INTU: variants seen among roughly 807,000 people sequenced by gnomAD.
INTU encodes the protein protein inturned.
INTU carries 68 observed loss-of-function variants against 100.5 expected under a neutral mutation model. The ratio of observed to expected loss-of-function variants is 0.68; its 90% CI spans 0.56 to 0.83. The LOEUF is 0.83. INTU is among the 40% of genes least tolerant of loss of function. The pLI is 0.00. For missense variants in INTU, 1,071 were observed against 1,114.7 expected, an observed-to-expected ratio of 0.96 and a Z score of 0.56; for synonymous variants, 357 against 395.7, an observed-to-expected ratio of 0.90 and a Z score of 1.16.
At chr4:127,663,933 A>T (rs779093049) in intron 4 of INTU, among the ~76,000 whole-genome samples, 66 of 152,204 alleles carry the variant, frequency 4.3e-4, no homozygotes, top group Non-Finnish European at 7.5e-4. Flanking sequence ...AATAAAATTC[A>T]ACAATTTTAA....
In INTU at chr4:127,722,051, C is replaced by T. The variant is rs1277754819; in HGVS notation, c.*5615C>T. The T allele has an allele frequency of 6.6e-6, 1 of 152,266 alleles. No homozygotes were observed. 9.4% of individuals were successfully genotyped at this position (152,266 alleles called of 1,614,324 possible). A position where few individuals can be genotyped will look rare whatever the true frequency, so the allele number is the denominator to read the frequency against. On this transcript the variant is annotated 3_prime_UTR_variant, in exon 16 of 16. Transcript: ENST00000335251. ...GGAGGAGAAGAGGCACTCTGGCTTT[C>T]TGAGTTTTCCGTATCCTTGCATTCT...
intron 10 of INTU, 59 bp downstream of exon 10, chr4:127,704,349 A>G: frequency 8.0e-7 from 1 of 1,249,842 alleles, no homozygotes; most frequent in Non-Finnish European, 1.2e-6. Flanking sequence ...CTAAATTTTC[A>G]AAACTTTTAC....
At chr4:127,633,752 T>A (rs1395050239) in intron 1 of INTU, among the ~76,000 whole-genome samples, 1 of 152,248 alleles carries the variant, frequency 6.6e-6, no homozygotes, top group Non-Finnish European at 1.5e-5. Flanking sequence ...ATGATTTTCT[T>A]GTTTTCCATT....
chr4:127,690,065 A>G (rs1361822964), intron 8 of INTU, among the ~76,000 whole-genome samples: 1 of 152,164 alleles, frequency 6.6e-6, no homozygotes, highest in Non-Finnish European at 1.5e-5. Flanking sequence ...TAGTAGAGGT[A>G]CTTAATGTTT....
In INTU at chr4:127,705,710, G is replaced by C. The variant is rs1204906528; in HGVS notation, c.1686G>C (p.Trp562Cys). The C allele has an allele frequency of 6.2e-7, 1 of 1,613,896 alleles. No homozygotes were observed. The highest frequency in any genetic ancestry group is 8.5e-7 in the Non-Finnish European group (1 of 1,179,932). The part of the protein sequence containing the change: ...AKQRIGQLII[W>C]REVFPQHHLR... Reference sequence around the variant, plus strand: ...AAAGAATTGGTCAGTTGATCATATGGAGAGAAGTGTTTCCTCAGCATCACC... The same window carrying C: ...AAAGAATTGGTCAGTTGATCATATGCAGAGAAGTGTTTCCTCAGCATCACC... Residue 562 changes from tryptophan (W) to cysteine (C), a missense_variant, in exon 11 of 16, where the codon TGG becomes TGC. Coordinates refer to ENST00000335251, the MANE Select transcript of INTU (RefSeq NM_015693.4).
intron 1 of INTU, among the ~76,000 whole-genome samples, chr4:127,638,457 G>C (rs1224965858): frequency 6.6e-6 from 1 of 152,108 alleles, no homozygotes; most frequent in East Asian, 1.9e-4. Context: ...GGAAATTGCT[G>C]TACTATTGCA....
intron 2 of INTU, among the ~76,000 whole-genome samples, chr4:127,650,196 G>C (rs931026417): frequency 2.6e-5 from 4 of 151,640 alleles, no homozygotes; most frequent in African/African-American, 9.7e-5. Context: ...ATTTCAGGTG[G>C]GTTTTTGTTT....
At chr4:127,665,360 T>C (rs1387351776) in intron 4 of INTU, among the ~76,000 whole-genome samples, 1 of 151,882 alleles carries the variant, frequency 6.6e-6, no homozygotes, top group Non-Finnish European at 1.5e-5. Context: ...ACTTTTTCTT[T>C]ACTCATCATC....
intron 7 of INTU, chr4:127,686,647 A>G (rs1729840278): frequency 6.6e-6 from 1 of 152,126 alleles, no homozygotes; most frequent in Non-Finnish European, 1.5e-5. Flanking sequence ...ATTCAACCTA[A>G]AATAGCCAAT....
chr4:127,695,950 CAT>C (rs968062357), intron 8 of INTU, among the ~76,000 whole-genome samples: 14 of 152,056 alleles, frequency 9.2e-5, no homozygotes, highest in East Asian at 3.9e-4. Context: ...TTGATAGAAT[CAT>C]GTGATTTTTT....
intron 2 of INTU, among the ~76,000 whole-genome samples, chr4:127,652,958 A>G (rs1171246881): frequency 7.4e-5 from 11 of 147,956 alleles, no homozygotes; most frequent in Non-Finnish European, 1.5e-4. Context: ...GGGAGAGTGT[A>G]TATGTCGAGG....
At chr4:127,712,616 G>T (rs568080447) in intron 14 of INTU, among the ~76,000 whole-genome samples, 3 of 152,148 alleles carry the variant, frequency 2.0e-5, no homozygotes, top group Non-Finnish European at 4.4e-5. Context: ...AGAAGAATCA[G>T]TGTCAAGCAA....
intron 3 of INTU, among the ~76,000 whole-genome samples, chr4:127,656,976 A>G (rs540129785): frequency 6.6e-6 from 1 of 152,326 alleles, no homozygotes; most frequent in African/African-American, 2.4e-5. Context: ...GAAAACATAC[A>G]TAATTGCAAA....
chr4:127,664,012 G>T (rs62334033), intron 4 of INTU, among the ~76,000 whole-genome samples: 2 of 151,906 alleles, frequency 1.3e-5, no homozygotes, highest in South Asian at 2.1e-4. Context: ...CATGATATGG[G>T]ACATTTTTAT....
chr4:127,663,565 C>T lies in INTU; in HGVS notation c.953C>T (p.Ser318Leu), dbSNP rs770822065. The change falls in exon 4 of 16, where the codon TCA becomes TTA. Residue 318 changes from serine to leucine, a missense_variant. By Grantham distance (145) the Ser-to-Leu change is moderately radical. Transcript: ENST00000335251. Reference sequence around the variant, plus strand: ...ATGTATCTCACACTACAGCTCGACTCAGAAACCTCAAAGGAAGAGGTGAGT... The same window carrying T: ...ATGTATCTCACACTACAGCTCGACTTAGAAACCTCAAAGGAAGAGGTGAGT... ...IIMYLTLQLD[S>L]ETSKEEQEIL... is the part of the protein sequence containing the mutation. 1 of 1,612,950 alleles carries T rather than the reference C, an allele frequency of 6.2e-7. No homozygotes were observed. The highest frequency in any genetic ancestry group is 1.1e-5 in the South Asian group (1 of 90,994).
chr4:127,697,020 G>A (rs1730422067), intron 8 of INTU, among the ~76,000 whole-genome samples: 2 of 152,136 alleles, frequency 1.3e-5, no homozygotes, highest in Admixed American at 1.3e-4. Context: ...GTTTAAGGCA[G>A]TATAGCACAG....
chr4:127,642,137 A>C (rs954488188), intron 1 of INTU, among the ~76,000 whole-genome samples: 4 of 152,224 alleles, frequency 2.6e-5, no homozygotes, highest in Non-Finnish European at 5.9e-5. Context: ...TGGTGGGGAT[A>C]TAGTTATTTA....
intron 2 of INTU, among the ~76,000 whole-genome samples, chr4:127,647,899 T>C (rs1443155674): frequency 6.6e-6 from 1 of 152,128 alleles, no homozygotes; most frequent in Non-Finnish European, 1.5e-5. Context: ...AACAAACTTT[T>C]GCATATATAT....
intron 3 of INTU, 55 bp downstream of exon 3, chr4:127,656,776 T>C (rs1252897071): frequency 1.4e-5 from 16 of 1,131,130 alleles, no homozygotes; most frequent in Non-Finnish European, 2.1e-5. Context: ...AATATATAAA[T>C]ATATCGTGCA....
Sources: gnomAD v4.1 joint callset for allele counts (sites outside exome capture counted in the v4.1 genomes callset) on GRCh38, gnomAD v4.1.1 for gene constraint, MANE v1.5 for transcripts, NCBI Gene and HGNC (gene_info 2026-07-23, HGNC 2026-07-21) for gene names.